TXK: variants seen among roughly 807,000 people sequenced by gnomAD.
TXK encodes TXK tyrosine kinase.
In TXK, 60 loss-of-function variants were observed where a neutral mutation model predicts 81.0. The ratio of observed to expected loss-of-function variants is 0.74; its 90% CI spans 0.60 to 0.92. TXK has a LOEUF of 0.92. TXK is among the 40% of genes least tolerant of loss of function. The probability of loss-of-function intolerance (pLI) is 0.00; values close to 1 mark genes in which losing one functional copy is unlikely to be tolerated. For synonymous variants in TXK, 203 were observed against 210.7 expected (o/e 0.96, Z 0.32); for missense variants, 581 against 638.3 (o/e 0.91, Z 0.97).
intron 1 of TXK, among the ~76,000 whole-genome samples, chr4:48,130,350 T>C (rs1719219529): frequency 6.6e-6 from 1 of 152,198 alleles, no homozygotes. Flanking sequence ...AGATCTTTCA[T>C]GGAGTTGCAG....
Position 48,112,375 on chromosome 4 carries a change from C to A in TXK, c.312G>T (p.Arg104Ser). Residue 104 changes from arginine (R) to serine (S), a missense_variant, in exon 4 of 15, where the codon AGG becomes AGT. Coordinates refer to ENST00000264316, the MANE Select transcript of TXK (RefSeq NM_003328.3). ...CCAGTATCAGGTATTCTTCTGCTCTCCTTAAGGCTAAATTACAGGGTTCTC... is the reference window on the plus strand; with the variant it reads ...CCAGTATCAGGTATTCTTCTGCTCTACTTAAGGCTAAATTACAGGGTTCTC... ...LPREPCNLAL[R>S]RAEEYLILEK... 1 of 1,614,172 alleles carries A rather than the reference C, an allele frequency of 6.2e-7. No homozygotes were observed. Among genetic ancestry groups the A allele is most frequent in the Non-Finnish European group, 8.5e-7 (1 of 1,180,042 alleles).
chr4:48,112,901 CCTAAGAATGCTGTTTCTCACTG>C (rs1718682694), intron 3 of TXK, among the ~76,000 whole-genome samples: 1 of 151,942 alleles, frequency 6.6e-6, no homozygotes, highest in South Asian at 2.1e-4. Context: ...TACCATACTT[CCTAAGAATGCTGTTTCTCACTG>C]AAGTGAAAAT....
intron 1 of TXK, among the ~76,000 whole-genome samples, chr4:48,118,005 C>A (rs181589464): frequency 1.6e-3 from 239 of 152,282 alleles, no homozygotes; most frequent in African/African-American, 5.5e-3. Context: ...CCTATTCTGT[C>A]CCTGTTCTAA....
At chr4:48,089,679 A>G in intron 9 of TXK, 71 bp downstream of exon 9, 3 of 1,294,344 alleles carry the variant, frequency 2.3e-6, no homozygotes, top group Non-Finnish European at 3.3e-6. Flanking sequence ...GCTGTGAGCC[A>G]CCGCACCCAG....
At chr4:48,128,583 T>TG (rs1719156600) in intron 1 of TXK, among the ~76,000 whole-genome samples, 1 of 144,802 alleles carries the variant, frequency 6.9e-6, no homozygotes, top group Non-Finnish European at 1.5e-5. Context: ...TTTTTTTTTT[T>TG]GAGATGGAGT....
chr4:48,077,896 T>C lies in TXK; in HGVS notation c.1174-1430A>G, dbSNP rs566246151. 4.6e-5 allele frequency among the ~76,000 whole-genome samples: 7 copies of C among 152,240 alleles called. No individual in the cohort carries two copies. The South Asian group carries it at 1.5e-3, about 32-fold the overall frequency. The stretch of plus-strand genomic sequence containing the variant: ...ACTAGCTTGCCCAAGGTCTCACAGC[T>C]AGTAAAAAACGGAGACAATATTTCA... On this transcript the variant is annotated intron_variant, in intron 11 of 14. Transcript: ENST00000264316.
chr4:48,105,613 C>A (rs569354050), intron 5 of TXK, among the ~76,000 whole-genome samples: 1 of 152,126 alleles, frequency 6.6e-6, no homozygotes, highest in African/African-American at 2.4e-5. Context: ...ACACCAGAAA[C>A]CCAATACCCA....
At chr4:48,104,018 A>G (rs1293752051) in intron 6 of TXK, among the ~76,000 whole-genome samples, 1 of 150,204 alleles carries the variant, frequency 6.7e-6, no homozygotes, top group Non-Finnish European at 1.5e-5. Flanking sequence ...GTTGGGCAGC[A>G]TGGCAAAACC....
intron 7 of TXK, 118 bp from the exon 8 acceptor site, chr4:48,094,322 A>T: frequency 8.7e-7 from 1 of 1,147,462 alleles, no homozygotes; most frequent in Non-Finnish European, 1.2e-6. Flanking sequence ...TACACTGAGA[A>T]GTAGATTGGC....
chr4:48,104,764 A>G (rs930974620), intron 6 of TXK, 137 bp downstream of exon 6: 1 of 631,500 alleles, frequency 1.6e-6, no homozygotes, highest in Non-Finnish European at 2.7e-6. Context: ...TTACAACTTC[A>G]CATAAAATAT....
At chr4:48,079,780 A>G in intron 11 of TXK, 132 bp downstream of exon 11, 1 of 743,678 alleles carries the variant, frequency 1.3e-6, no homozygotes, top group South Asian at 1.8e-5. Flanking sequence ...ATTTTACAAC[A>G]AATTGCATGA....
chr4:48,096,938 A>G (rs1404701937), intron 6 of TXK, among the ~76,000 whole-genome samples: 2 of 152,240 alleles, frequency 1.3e-5, no homozygotes, highest in Non-Finnish European at 2.9e-5. Flanking sequence ...CAGTTCAAGC[A>G]GTACTCAGAA....
chr4:48,091,236 T>C (rs1053573229), intron 8 of TXK, among the ~76,000 whole-genome samples: 4 of 152,328 alleles, frequency 2.6e-5, no homozygotes, highest in South Asian at 2.1e-4. Flanking sequence ...AACTAACACA[T>C]GGAGTTAACC....
At chr4:48,082,684 C>T (rs748653700) in intron 10 of TXK, among the ~76,000 whole-genome samples, 5 of 152,132 alleles carry the variant, frequency 3.3e-5, no homozygotes, top group Non-Finnish European at 7.4e-5. Flanking sequence ...TTTTGTGCCC[C>T]AAAAGTTGCT....
At chr4:48,107,848 G>A (rs1718506021) in intron 5 of TXK, among the ~76,000 whole-genome samples, 2 of 150,498 alleles carry the variant, frequency 1.3e-5, no homozygotes, top group African/African-American at 4.9e-5. Context: ...GGATCACGGG[G>A]TTAGGAGATT....
chr4:48,080,997 T>G (rs146300351), intron 10 of TXK, among the ~76,000 whole-genome samples: 1,921 of 152,202 alleles, frequency 0.013, 18 homozygotes, highest in Non-Finnish European at 0.022. Context: ...ACACAATGTA[T>G]ATGAACGATT....
intron 10 of TXK, among the ~76,000 whole-genome samples, 154 bp downstream of exon 10, chr4:48,086,312 A>C (rs1717527779): frequency 6.6e-6 from 1 of 152,262 alleles, no homozygotes; most frequent in Non-Finnish European, 1.5e-5. Context: ...TAATTCACCC[A>C]GGTCACACAG....
rs749951048 is a variant in TXK, at chr4:48,089,800, G to A, written c.734C>T (p.Pro245Leu). The change falls in exon 9 of 15, where the codon CCA (proline) becomes CTA (leucine). Residue 245 changes from proline (P) to leucine (L), a missense_variant. Transcript: ENST00000264316. ...AAGLMTRLRY[P>L]VGLMGSCLPA... is the part of the protein sequence containing the mutation. ...TAAACAACTGCCCATCAGCCCAACT[G>A]GATATCGGAGACGAGTCATGAGACC... The A allele has an allele frequency of 6.2e-7, 1 of 1,613,314 alleles. No individual in the cohort carries two copies. Among genetic ancestry groups the A allele is most frequent in the Non-Finnish European group, 8.5e-7 (1 of 1,179,542 alleles).
chr4:48,082,780 C>G (rs1047682836), intron 10 of TXK, among the ~76,000 whole-genome samples: 1 of 152,122 alleles, frequency 6.6e-6, no homozygotes, highest in African/African-American at 2.4e-5. Flanking sequence ...AATAGACAAA[C>G]AGCAGAATGG....
Sources: gnomAD v4.1 joint callset for allele counts (sites outside exome capture counted in the v4.1 genomes callset) on GRCh38, gnomAD v4.1.1 for gene constraint, MANE v1.5 for transcripts, NCBI Gene and HGNC (gene_info 2026-07-23, HGNC 2026-07-21) for gene names.